Variants in UNC5D observed in about 807,000 individuals in gnomAD.
The protein encoded by UNC5D is netrin receptor UNC5D.
UNC5D carries 39 observed loss-of-function variants against 105.4 expected under a neutral mutation model. That is an observed-to-expected ratio of 0.37 (90% CI 0.29 to 0.48). The LOEUF is 0.48. UNC5D is among the 20% of genes least tolerant of loss of function. The pLI is 0.98. For missense variants in UNC5D, 991 were observed against 1,202.4 expected, an observed-to-expected ratio of 0.82 and a Z score of 2.60; for synonymous variants, 452 against 450.4, an observed-to-expected ratio of 1.00 and a Z score of -0.04.
At chr8:35,624,493 G>A (rs913126363) in intron 4 of UNC5D, among the ~76,000 whole-genome samples, 11 of 152,100 alleles carry the variant, frequency 7.2e-5, no homozygotes, top group African/African-American at 2.7e-4. Context: ...ATGCACAAAA[G>A]GCCTGAGCTT....
At chr8:35,287,286 A>C (rs1806669615) in intron 1 of UNC5D, among the ~76,000 whole-genome samples, 2 of 152,224 alleles carry the variant, frequency 1.3e-5, no homozygotes, top group South Asian at 4.1e-4. Flanking sequence ...ATAAATGGAG[A>C]TCTATGAAAT....
intron 1 of UNC5D, among the ~76,000 whole-genome samples, chr8:35,511,255 A>C (rs765902499): frequency 4.6e-5 from 7 of 152,190 alleles, no homozygotes; most frequent in Non-Finnish European, 8.8e-5. Context: ...ATTTCTGGCT[A>C]ACCTGTGGTA....
intron 1 of UNC5D, among the ~76,000 whole-genome samples, chr8:35,503,459 A>G (rs1484737835): frequency 2.0e-5 from 3 of 152,124 alleles, no homozygotes; most frequent in African/African-American, 4.8e-5. Flanking sequence ...CCATGATTCA[A>G]TTATCTCCCA....
chr8:35,724,204 A>C, intron 9 of UNC5D: 1 of 1,510,720 alleles, frequency 6.6e-7, no homozygotes, highest in South Asian at 1.3e-5. Flanking sequence ...AGACAATATT[A>C]GTCTTACCAA....
At chr8:35,391,576 C>T (rs537273385) in intron 1 of UNC5D, among the ~76,000 whole-genome samples, 11 of 152,322 alleles carry the variant, frequency 7.2e-5, no homozygotes, top group African/African-American at 2.6e-4. Context: ...AAATGCCCCA[C>T]GTTGTGTGTG....
At chr8:35,516,660 A>G (rs900965025) in intron 1 of UNC5D, among the ~76,000 whole-genome samples, 1 of 152,120 alleles carries the variant, frequency 6.6e-6, no homozygotes, top group South Asian at 2.1e-4. Flanking sequence ...TCCCAAATTC[A>G]TCTACCCAGA....
intron 1 of UNC5D, among the ~76,000 whole-genome samples, chr8:35,521,185 A>G (rs1813440350): frequency 6.6e-6 from 1 of 152,152 alleles, no homozygotes; most frequent in Non-Finnish European, 1.5e-5. Context: ...CTAAAAATGT[A>G]AAGTTTTTAA....
chr8:35,294,964 G>A (rs1249527490), intron 1 of UNC5D, among the ~76,000 whole-genome samples: 1 of 152,126 alleles, frequency 6.6e-6, no homozygotes, highest in Non-Finnish European at 1.5e-5. Context: ...AGGTCACTTT[G>A]TACTGTGATA....
chr8:35,552,095 G>T (rs1586114051), intron 2 of UNC5D, among the ~76,000 whole-genome samples: 2 of 151,988 alleles, frequency 1.3e-5, no homozygotes, highest in Non-Finnish European at 1.5e-5. Flanking sequence ...ATTTCAAATT[G>T]GAATTAGTAG....
intron 8 of UNC5D, 34 bp from the exon 9 acceptor site, chr8:35,722,176 G>A: frequency 6.2e-7 from 1 of 1,603,152 alleles, no homozygotes; most frequent in African/African-American, 1.3e-5. Flanking sequence ...TTGTGCCCAT[G>A]CTGGTCACTT....
intron 8 of UNC5D, among the ~76,000 whole-genome samples, chr8:35,719,412 C>A (rs909040188): frequency 6.6e-6 from 1 of 151,744 alleles, no homozygotes; most frequent in African/African-American, 2.4e-5. Flanking sequence ...CCAGGTAGAT[C>A]GAAGAGAGAA....
intron 1 of UNC5D, among the ~76,000 whole-genome samples, chr8:35,249,320 A>C (rs1422462449): frequency 1.3e-5 from 2 of 149,414 alleles, no homozygotes; most frequent in African/African-American, 2.4e-5. Flanking sequence ...CACTTTGGGA[A>C]GCCAAGGCAG....
chr8:35,482,092 G>T (rs1292048675), intron 1 of UNC5D, among the ~76,000 whole-genome samples: 1 of 152,148 alleles, frequency 6.6e-6, no homozygotes, highest in Non-Finnish European at 1.5e-5. Context: ...TTGAAGTAGG[G>T]TCAAACTATA....
chr8:35,383,322 A>T (rs1040775076), intron 1 of UNC5D, among the ~76,000 whole-genome samples: 1 of 152,178 alleles, frequency 6.6e-6, no homozygotes, highest in Non-Finnish European at 1.5e-5. Flanking sequence ...TATAAAAAAA[A>T]TCCTCATCAA....
intron 3 of UNC5D, among the ~76,000 whole-genome samples, chr8:35,572,905 G>A (rs896029786): frequency 2.0e-5 from 3 of 150,580 alleles, no homozygotes; most frequent in East Asian, 2.0e-4. Flanking sequence ...CAGGGTTCAC[G>A]CCATTCTCCT....
At chr8:35,724,168 C>A in intron 9 of UNC5D, 1 of 1,468,420 alleles carries the variant, frequency 6.8e-7, no homozygotes. Context: ...CACTTAAACT[C>A]AACTTATGTG....
chr8:35,642,005 A>T (rs138213263), intron 4 of UNC5D, among the ~76,000 whole-genome samples: 1 of 152,208 alleles, frequency 6.6e-6, no homozygotes, highest in East Asian at 1.9e-4. Context: ...GGGAGCTAAA[A>T]TCTCTCTTAA....
chr8:35,243,679 A>G (rs953091963), intron 1 of UNC5D, among the ~76,000 whole-genome samples: 2 of 152,172 alleles, frequency 1.3e-5, no homozygotes, highest in Non-Finnish European at 2.9e-5. Flanking sequence ...AAAACAGAGC[A>G]GTGAGTCCAT....
rs1469049888 is a variant in UNC5D, at chr8:35,794,877, G to C, written c.*4314G>C. On this transcript the variant is annotated 3_prime_UTR_variant, in exon 17 of 17. Coordinates refer to ENST00000404895, the MANE Select transcript of UNC5D (RefSeq NM_080872.4). ...CTGTAATTCTTCGAAAAGTAACAGG[G>C]GATGGAAATCAGACCTGGCCGTTAG... 2 of 152,164 alleles carry C rather than the reference G, an allele frequency of 1.3e-5. No homozygotes were observed. Among genetic ancestry groups the C allele is most frequent in the African/African-American group, 4.8e-5 (2 of 41,446 alleles). The allele number at this position is 152,164 out of a possible 1,614,324, so 9.4% of individuals were successfully genotyped here. A position where few individuals can be genotyped will look rare whatever the true frequency, so the allele number is the denominator to read the frequency against.
Sources: allele counts gnomAD v4.1 joint callset (sites outside exome capture counted in the v4.1 genomes callset), GRCh38; gene constraint gnomAD v4.1.1; transcripts MANE v1.5; gene names NCBI Gene and HGNC (gene_info 2026-07-23, HGNC 2026-07-21).